The following ANKRD30A variants were observed in gnomAD, a reference collection of about 807,000 sequenced individuals.
ANKRD30A encodes ankyrin repeat domain-containing protein 30A.
A neutral mutation model predicts 166.3 loss-of-function variants in ANKRD30A; 170 were observed. The ratio of observed to expected loss-of-function variants is 1.02; its 90% CI spans 0.90 to 1.16. The LOEUF is 1.16. Among genes scored for constraint, ANKRD30A ranks in the 50% most tolerant of loss-of-function variants. ANKRD30A has a pLI of 0.00. For synonymous variants in ANKRD30A, 564 were observed against 508.9 expected, an observed-to-expected ratio of 1.11 and a Z score of -1.46; for missense variants, 1,630 against 1,518.0, an observed-to-expected ratio of 1.07 and a Z score of -1.23.
At chr10:37,167,801 A>G (rs372703049) in intron 19 of ANKRD30A, among the ~76,000 whole-genome samples, 10,138 of 149,168 alleles carry the variant, frequency 0.068, 435 homozygotes, top group Middle Eastern at 0.11. Flanking sequence ...TGATCAATTC[A>G]TAACACTTTT....
the ANKRD30A span, among the ~76,000 whole-genome samples, chr10:37,251,544 C>G: frequency 6.6e-6 from 1 of 152,112 alleles, no homozygotes; most frequent in Non-Finnish European, 1.5e-5. Context: ...TTTGTTTGAC[C>G]AGGTACTAAA....
chr10:37,132,566 C>A (rs541421578), intron 4 of ANKRD30A, among the ~76,000 whole-genome samples: 4 of 152,236 alleles, frequency 2.6e-5, no homozygotes, highest in Non-Finnish European at 2.9e-5. Context: ...TATGTGTAAT[C>A]TGATGTTTTT....
At chr10:37,153,799 A>C (rs1196305863) in intron 13 of ANKRD30A, 137 bp downstream of exon 13, 13 of 1,229,456 alleles carry the variant, frequency 1.1e-5, no homozygotes, top group South Asian at 1.4e-5. Flanking sequence ...CAATGGTCGT[A>C]AGTTGTATGT....
At chr10:37,138,581 C>A (rs1291245212) in intron 6 of ANKRD30A, among the ~76,000 whole-genome samples, 2 of 152,128 alleles carry the variant, frequency 1.3e-5, no homozygotes, top group Non-Finnish European at 2.9e-5. Flanking sequence ...GTGACGAATG[C>A]ACAAGCCTCA....
chr10:37,200,951 T>C (rs1296949302), intron 30 of ANKRD30A, among the ~76,000 whole-genome samples: 1 of 152,038 alleles, frequency 6.6e-6, no homozygotes, highest in Non-Finnish European at 1.5e-5. Flanking sequence ...TTAAGAGAGA[T>C]ACGTTTTGAA....
intron 27 of ANKRD30A, among the ~76,000 whole-genome samples, chr10:37,196,736 T>C (rs1031540825): frequency 6.6e-6 from 1 of 152,098 alleles, no homozygotes; most frequent in Non-Finnish European, 1.5e-5. Flanking sequence ...AAGCAGAGGA[T>C]ACAGAAATAT....
intron 34 of ANKRD30A, among the ~76,000 whole-genome samples, chr10:37,227,033 G>A (rs1195718273): frequency 5.3e-5 from 8 of 151,798 alleles, no homozygotes; most frequent in Admixed American, 5.3e-4. Context: ...CTTTCTGAAT[G>A]GTAAGTGTTC....
intron 11 of ANKRD30A, among the ~76,000 whole-genome samples, chr10:37,150,761 A>C (rs1837873294): frequency 6.6e-6 from 1 of 152,148 alleles, no homozygotes; most frequent in Non-Finnish European, 1.5e-5. Flanking sequence ...TTATGCTGAT[A>C]AGTAATAAAT....
chr10:37,226,815 G>C (rs1342729541), intron 34 of ANKRD30A, among the ~76,000 whole-genome samples: 2 of 151,702 alleles, frequency 1.3e-5, no homozygotes, highest in East Asian at 3.9e-4. Context: ...GCAGTATGAG[G>C]GTTCTAATTT....
At chr10:37,228,064 A>G (rs916760629) in intron 34 of ANKRD30A, among the ~76,000 whole-genome samples, 2 of 151,972 alleles carry the variant, frequency 1.3e-5, no homozygotes, top group South Asian at 2.1e-4. Flanking sequence ...CTCTGCTTAA[A>G]TAGGTCAAGA....
chr10:37,133,987 A>G lies in ANKRD30A; in HGVS notation c.689A>G (p.Asp230Gly), dbSNP rs753172655. ...IVGMLLQQNVDVFAADICGVT... is the reference protein window; with the variant it reads ...IVGMLLQQNVGVFAADICGVT... ...GGCATGCTTCTTCAGCAAAATGTTG[A>G]CGTCTTTGCTGCAGATATATGTGGA... The change falls in exon 5 of 36, where the codon GAC becomes GGC. Residue 230 changes from aspartate to glycine, a missense_variant. Asp to Gly is a moderately conservative substitution (Grantham distance 94). Coordinates refer to ENST00000361713, the MANE Select transcript of ANKRD30A (RefSeq NM_052997.3). The G allele has an allele frequency of 5.6e-6, 9 of 1,613,964 alleles. No individual in the cohort carries two copies. In the African/African-American group the frequency reaches 1.1e-4, roughly 19 times the overall value.
At chr10:37,127,311 A>G (rs1234995858) in intron 1 of ANKRD30A, among the ~76,000 whole-genome samples, 2 of 152,080 alleles carry the variant, frequency 1.3e-5, no homozygotes, top group African/African-American at 4.8e-5. Context: ...AAAAGTTTTT[A>G]ATGTACAAAA....
At chr10:37,179,471 G>A (rs1228235844) in intron 24 of ANKRD30A, among the ~76,000 whole-genome samples, 2 of 151,014 alleles carry the variant, frequency 1.3e-5, no homozygotes, top group Non-Finnish European at 3.0e-5. Flanking sequence ...TTACAAAAAT[G>A]TTGGCATACT....
chr10:37,231,587 TG>T lies in ANKRD30A; in HGVS notation c.*119del. The T allele has an allele frequency of 2.8e-6, 2 of 723,610 alleles. No homozygotes were observed. The highest frequency in any genetic ancestry group is 2.1e-6 in the Non-Finnish European group (1 of 467,088). The allele number at this position is 723,610 out of a possible 1,614,324, so 44.8% of individuals were successfully genotyped here. ...TGTTGAAAATCTTACCAATAGTCTG[TG>T]TCAACAGAATACTTATTTTAGAAGA... On this transcript the variant is annotated 3_prime_UTR_variant, in exon 35 of 36. Transcript: ENST00000361713.
intron 25 of ANKRD30A, among the ~76,000 whole-genome samples, chr10:37,191,912 G>C (rs536730664): frequency 2.0e-5 from 3 of 152,020 alleles, no homozygotes; most frequent in African/African-American, 4.8e-5. Flanking sequence ...AAAGAATGGC[G>C]TGAACCCGCG....
chr10:37,171,427 A>T (rs1409017793), intron 21 of ANKRD30A, among the ~76,000 whole-genome samples: 2 of 149,838 alleles, frequency 1.3e-5, no homozygotes, highest in African/African-American at 5.0e-5. Flanking sequence ...ACGCATTACA[A>T]CTGTTACTCA....
chr10:37,226,500 C>T (rs557637159), intron 34 of ANKRD30A, among the ~76,000 whole-genome samples: 8 of 151,830 alleles, frequency 5.3e-5, no homozygotes, highest in East Asian at 2.0e-4. Flanking sequence ...TTTCAAGGTC[C>T]TCTGTTGCAG....
chr10:37,252,838 A>G, the ANKRD30A span, among the ~76,000 whole-genome samples: 2 of 152,210 alleles, frequency 1.3e-5, no homozygotes, highest in African/African-American at 4.8e-5. Context: ...CTTGTCATAT[A>G]TAAGTGCTTA....
chr10:37,216,220 CT>C lies in ANKRD30A; in HGVS notation c.2911del (p.Cys971ValfsTer22), dbSNP rs767964774. Reference sequence around the variant, plus strand: ...TCAAAAATCTTGGATACAGTTCATTCTTGTGAAAGAGCAAGGGAACTTCAAA... The same window carrying C: ...TCAAAAATCTTGGATACAGTTCATTCTGTGAAAGAGCAAGGGAACTTCAAA... ...SLSKILDTVH[S>X]CERARELQKD... On this transcript the variant is annotated frameshift_variant, in exon 32 of 36. Transcript: ENST00000361713. LOFTEE classifies it high-confidence loss of function. 1 of 1,606,356 alleles carries C rather than the reference CT, an allele frequency of 6.2e-7. No homozygotes were observed. The highest frequency in any genetic ancestry group is 1.7e-5 in the Admixed American group (1 of 59,526).
Sources: allele counts gnomAD v4.1 joint callset (sites outside exome capture counted in the v4.1 genomes callset), GRCh38; gene constraint gnomAD v4.1.1; transcripts MANE v1.5; gene names NCBI Gene and HGNC (gene_info 2026-07-23, HGNC 2026-07-21).